The following PLCB1 variants were observed in gnomAD, a reference collection of about 807,000 sequenced individuals.
The protein encoded by PLCB1 is 1-phosphatidylinositol 4,5-bisphosphate phosphodiesterase beta-1.
A neutral mutation model predicts 161.8 loss-of-function variants in PLCB1; 46 were observed. The observed-to-expected ratio is 0.28, with a 90% CI of 0.22 to 0.36. PLCB1 has a LOEUF of 0.36. Ranked by LOEUF, PLCB1 falls within the 10% of genes least tolerant of loss-of-function variation. The pLI, the probability that PLCB1 is intolerant of heterozygous loss-of-function variation, is 1.00. For synonymous variants in PLCB1, 517 were observed against 503.7 expected (o/e 1.03, Z -0.35); for missense variants, 1,016 against 1,472.5 (o/e 0.69, Z 5.07).
chr20:8,204,514 T>A (rs1465369899), intron 2 of PLCB1, among the ~76,000 whole-genome samples: 1 of 152,006 alleles, frequency 6.6e-6, no homozygotes, highest in African/African-American at 2.4e-5. Context: ...GTGGAAAGTG[T>A]TTGGCTCATG....
At chr20:8,151,825 A>G (rs1003397652) in intron 2 of PLCB1, among the ~76,000 whole-genome samples, 1 of 152,196 alleles carries the variant, frequency 6.6e-6, no homozygotes, top group East Asian at 1.9e-4. Flanking sequence ...TTGTAGATCA[A>G]GCTTCTATAA....
intron 2 of PLCB1, 24 bp from the exon 3 acceptor site, chr20:8,371,358 C>G (rs578135710): frequency 6.3e-7 from 1 of 1,579,538 alleles, no homozygotes. Context: ...CGTTGCTTAA[C>G]GATTTCACGT....
chr20:8,405,364 C>T (rs1220644585), intron 3 of PLCB1, among the ~76,000 whole-genome samples: 2 of 152,138 alleles, frequency 1.3e-5, no homozygotes, highest in East Asian at 3.9e-4. Flanking sequence ...ACAGTGAAAG[C>T]AGAACAGTAA....
At chr20:8,726,574 G>A (rs1979948091) in intron 16 of PLCB1, among the ~76,000 whole-genome samples, 1 of 152,058 alleles carries the variant, frequency 6.6e-6, no homozygotes, top group African/African-American at 2.4e-5. Context: ...CAAGGGAAAT[G>A]CCAGATGCTT....
rs559303063 is a variant in PLCB1, at chr20:8,712,069, G to A, written c.1250+3317G>A. ...TGTAATCCCAGCACTTTGGGAGGCCGAGACTGGTGGATCATGAGGTCAGGA... is the reference window on the plus strand; with the variant it reads ...TGTAATCCCAGCACTTTGGGAGGCCAAGACTGGTGGATCATGAGGTCAGGA... On this transcript the variant is annotated intron_variant, in intron 12 of 31. Coordinates refer to ENST00000338037, the MANE Select transcript of PLCB1 (RefSeq NM_015192.4). 8.5e-5 allele frequency among the ~76,000 whole-genome samples: 13 copies of A among 152,264 alleles called. 1 individual carries two copies. The highest frequency in any genetic ancestry group is 2.9e-4 in the African/African-American group (12 of 41,574).
At chr20:8,606,645 A>G (rs771072728) in intron 3 of PLCB1, among the ~76,000 whole-genome samples, 2 of 152,172 alleles carry the variant, frequency 1.3e-5, no homozygotes, top group African/African-American at 2.4e-5. Context: ...GAGATGGCCT[A>G]TGTTGTCTGT....
intron 2 of PLCB1, among the ~76,000 whole-genome samples, chr20:8,267,959 T>TTTATTATTATTATTA (rs149671843): frequency 0.026 from 3,851 of 148,678 alleles, 75 homozygotes; most frequent in South Asian, 0.048. Context: ...TCCATCTGTC[T>TTTATTATTATTATTA]TTATTATTAT....
intron 3 of PLCB1, among the ~76,000 whole-genome samples, chr20:8,622,555 G>T (rs1988215213): frequency 6.6e-6 from 1 of 152,156 alleles, no homozygotes; most frequent in African/African-American, 2.4e-5. Context: ...GATAAATGCT[G>T]CAGTTTCCAG....
At chr20:8,424,342 T>A (rs1011498832) in intron 3 of PLCB1, among the ~76,000 whole-genome samples, 1 of 152,216 alleles carries the variant, frequency 6.6e-6, no homozygotes, top group Non-Finnish European at 1.5e-5. Context: ...TATCTTTACA[T>A]TTGAAAGGCA....
rs1980628334 is a variant in PLCB1 at position 8,737,211 on chromosome 20, ATATGAGT to A, written c.2208+23_2208+29del. On this transcript the variant is annotated intron_variant, in intron 20 of 31. Coordinates refer to ENST00000338037, the MANE Select transcript of PLCB1 (RefSeq NM_015192.4). ...CAAAAAGGTTGGTCACATGTTCTTG[ATATGAGT>A]TATAACTGCATTTTTCAGGTGTTTT... is the stretch of plus-strand genomic sequence containing the variant. 4 of 1,598,018 alleles carry A rather than the reference ATATGAGT, an allele frequency of 2.5e-6. No individual in the cohort carries two copies. The highest frequency in any genetic ancestry group is 2.7e-5 in the African/African-American group (2 of 74,642).
chr20:8,357,490 T>C (rs900556135), intron 2 of PLCB1, among the ~76,000 whole-genome samples: 3 of 152,172 alleles, frequency 2.0e-5, no homozygotes, highest in African/African-American at 7.2e-5. Context: ...AGTGATTTTT[T>C]TTCTCCACTA....
intron 14 of PLCB1, 22 bp downstream of exon 14, chr20:8,717,870 C>T (rs1979412322): frequency 6.3e-7 from 1 of 1,592,696 alleles, no homozygotes; most frequent in East Asian, 2.2e-5. Context: ...GTGGGCTCTC[C>T]CCGTCATGTT....
intron 2 of PLCB1, among the ~76,000 whole-genome samples, chr20:8,187,414 T>A (rs911899404): frequency 1.3e-5 from 2 of 152,190 alleles, no homozygotes; most frequent in African/African-American, 4.8e-5. Context: ...GTCCTTTGCA[T>A]GTATCTAAAG....
At chr20:8,644,762 GCCCGGCCGCCCCT>G (rs1221534999) in intron 4 of PLCB1, among the ~76,000 whole-genome samples, 1 of 151,754 alleles carries the variant, frequency 6.6e-6, no homozygotes, top group Non-Finnish European at 1.5e-5. Context: ...GGGCGCCTCT[GCCCGGCCGCCCCT>G]ACTGGGAAGT....
intron 3 of PLCB1, among the ~76,000 whole-genome samples, chr20:8,595,290 G>A (rs28715254): frequency 4.4e-5 from 6 of 134,890 alleles, no homozygotes; most frequent in South Asian, 5.0e-4. Flanking sequence ...GTGATATTCC[G>A]CTTCCTGTGT....
intron 2 of PLCB1, among the ~76,000 whole-genome samples, chr20:8,156,794 A>G (rs961328824): frequency 6.6e-6 from 1 of 152,210 alleles, no homozygotes; most frequent in Non-Finnish European, 1.5e-5. Context: ...TGAACATTCA[A>G]TGTGTAAAAT....
intron 2 of PLCB1, among the ~76,000 whole-genome samples, chr20:8,241,896 G>A (rs776169160): frequency 3.3e-5 from 5 of 151,946 alleles, no homozygotes; most frequent in East Asian, 1.9e-4. Flanking sequence ...ATTTAAAGAG[G>A]GAGAGTAGTC....
At chr20:8,397,672 T>A (rs1045935925) in intron 3 of PLCB1, among the ~76,000 whole-genome samples, 1 of 152,186 alleles carries the variant, frequency 6.6e-6, no homozygotes, top group Non-Finnish European at 1.5e-5. Flanking sequence ...TTTTTCAAAA[T>A]ATATGTAAAT....
chr20:8,644,184 G>C (rs1389352856), intron 4 of PLCB1, among the ~76,000 whole-genome samples: 5 of 152,196 alleles, frequency 3.3e-5, no homozygotes, highest in Non-Finnish European at 5.9e-5. Context: ...GCCTCCCAAA[G>C]TGCCGAGATT....
Sources: gnomAD v4.1 joint callset for allele counts (sites outside exome capture counted in the v4.1 genomes callset) on GRCh38, gnomAD v4.1.1 for gene constraint, MANE v1.5 for transcripts, NCBI Gene and HGNC (gene_info 2026-07-23, HGNC 2026-07-21) for gene names.